The following CCDC7 variants were observed in gnomAD, a reference collection of about 807,000 sequenced individuals.
CCDC7 encodes the protein coiled-coil domain-containing protein 7.
In CCDC7, 183 loss-of-function variants were observed where a neutral mutation model predicts 196.9. That is an observed-to-expected ratio of 0.93 (90% confidence interval 0.82 to 1.05). The LOEUF (loss-of-function observed/expected upper bound fraction) is 1.05, where lower values mean the gene tolerates loss of function less well. CCDC7 is among the 50% of genes least tolerant of loss of function. CCDC7 has a pLI of 0.00. For missense variants in CCDC7, 1,540 were observed against 1,482.2 expected (o/e 1.04, Z -0.64); for synonymous variants, 525 against 484.6 (o/e 1.08, Z -1.10).
intron 21 of CCDC7, among the ~76,000 whole-genome samples, chr10:32,667,603 C>T (rs1436496017): frequency 1.3e-5 from 2 of 152,138 alleles, no homozygotes; most frequent in African/African-American, 4.8e-5. Context: ...CCAGTTTTCC[C>T]AGCACCATTT....
chr10:32,453,324 CTTT>C lies in CCDC7; in HGVS notation c.280-18_280-16del. The C allele has an allele frequency of 6.9e-7, 1 of 1,455,614 alleles. No individual in the cohort carries two copies. Among genetic ancestry groups the C allele is most frequent in the Non-Finnish European group, 9.1e-7 (1 of 1,101,114 alleles). 90.2% of individuals were successfully genotyped at this position (1,455,614 alleles called of 1,614,324 possible). ...TTAAACTATTAAAGTATCTAATTGG[CTTT>C]TATTTTTTTTTTACAGGTTGTTTCC... On this transcript the variant is annotated splice_polypyrimidine_tract_variant and intron_variant, in intron 1 of 41. Transcript: ENST00000639629.
chr10:32,522,169 A>G (rs1258816564), intron 11 of CCDC7, among the ~76,000 whole-genome samples: 1 of 152,184 alleles, frequency 6.6e-6, no homozygotes, highest in Admixed American at 6.5e-5. Flanking sequence ...TAGATTTGAT[A>G]TCAGGGTAAT....
intron 9 of CCDC7, chr10:32,513,192 A>G (rs1263046093): frequency 3.3e-5 from 5 of 152,122 alleles, no homozygotes; most frequent in Non-Finnish European, 5.9e-5. Flanking sequence ...TCAATAATCT[A>G]TGGTAAATGG....
intron 28 of CCDC7, among the ~76,000 whole-genome samples, chr10:32,754,381 T>C (rs2076096154): frequency 6.6e-6 from 1 of 152,130 alleles, no homozygotes; most frequent in African/African-American, 2.4e-5. Flanking sequence ...CTTTAATGAC[T>C]AAAGAAATGT....
chr10:32,704,795 T>C (rs537476931), intron 24 of CCDC7, among the ~76,000 whole-genome samples: 20 of 152,140 alleles, frequency 1.3e-4, no homozygotes, highest in Non-Finnish European at 2.5e-4. Context: ...CGTCAGTCAG[T>C]GTAGCACTCT....
rs79299195 is a variant in CCDC7 at position 32,508,584 on chromosome 10, C to T, written c.873-9361C>T. On this transcript the variant is annotated intron_variant, in intron 9 of 41. Transcript: ENST00000639629. Reference sequence around the variant, plus strand: ...TTCAAAAGGCCTTGAATAGCCAAAGCAAATTTTAGCAAGAGTAGTAAGGCT... The same window carrying T: ...TTCAAAAGGCCTTGAATAGCCAAAGTAAATTTTAGCAAGAGTAGTAAGGCT... Among the ~76,000 whole-genome samples the T allele has an allele frequency of 4.2e-4, 64 of 152,184 alleles. No homozygotes were observed. In the East Asian group the frequency reaches 0.012, roughly 28 times the overall value.
chr10:32,464,314 C>G (rs1290151461), intron 5 of CCDC7, among the ~76,000 whole-genome samples: 1 of 152,192 alleles, frequency 6.6e-6, no homozygotes, highest in East Asian at 1.9e-4. Context: ...TTGGAATGCT[C>G]TAAATACAAG....
At chr10:32,761,221 G>A (rs1456040910) in intron 28 of CCDC7, among the ~76,000 whole-genome samples, 1 of 151,920 alleles carries the variant, frequency 6.6e-6, no homozygotes, top group South Asian at 2.1e-4. Flanking sequence ...TCTCACTGGG[G>A]CACCCAGCAG....
chr10:32,793,809 C>G (rs1036854503), intron 29 of CCDC7, among the ~76,000 whole-genome samples: 3 of 152,022 alleles, frequency 2.0e-5, no homozygotes, highest in Non-Finnish European at 4.4e-5. Context: ...TTGAATTTAT[C>G]GAGACTGTTT....
chr10:32,811,894 C>T (rs1317651832), intron 30 of CCDC7, among the ~76,000 whole-genome samples: 3 of 152,024 alleles, frequency 2.0e-5, no homozygotes, highest in Admixed American at 6.6e-5. Flanking sequence ...ATCTATCCCA[C>T]GGATGTAAGG....
chr10:32,819,108 C>T (rs559622753), intron 31 of CCDC7, among the ~76,000 whole-genome samples: 60 of 151,998 alleles, frequency 3.9e-4, no homozygotes, highest in Admixed American at 5.9e-4. Context: ...ATCAAATAGA[C>T]GCAATAAAAA....
intron 20 of CCDC7, among the ~76,000 whole-genome samples, chr10:32,642,427 G>T (rs182660668): frequency 6.6e-6 from 1 of 152,210 alleles, no homozygotes; most frequent in East Asian, 1.9e-4. Flanking sequence ...GCGAGGCTCC[G>T]TGGGCGTAGG....
intron 20 of CCDC7, among the ~76,000 whole-genome samples, chr10:32,636,265 C>A (rs2065618581): frequency 1.3e-5 from 2 of 151,808 alleles, no homozygotes; most frequent in African/African-American, 4.8e-5. Flanking sequence ...ATTTAGGGTA[C>A]CTGTGCACAA....
intron 21 of CCDC7, among the ~76,000 whole-genome samples, chr10:32,667,795 G>A (rs993152602): frequency 2.6e-5 from 4 of 152,146 alleles, no homozygotes; most frequent in Non-Finnish European, 5.9e-5. Flanking sequence ...TTTGAAGTCA[G>A]GTAGCGTGAT....
At chr10:32,785,601 TAAG>T (rs2081734125) in intron 29 of CCDC7, among the ~76,000 whole-genome samples, 1 of 152,024 alleles carries the variant, frequency 6.6e-6, no homozygotes, top group Non-Finnish European at 1.5e-5. Flanking sequence ...AAGATTAAAA[TAAG>T]AGAATTATTT....
intron 23 of CCDC7, among the ~76,000 whole-genome samples, chr10:32,694,554 C>T (rs1363253664): frequency 6.6e-6 from 1 of 152,152 alleles, no homozygotes; most frequent in East Asian, 1.9e-4. Flanking sequence ...TTTGCAATTA[C>T]ATATATGCTA....
At chr10:32,700,426 G>A (rs911241886) in intron 24 of CCDC7, among the ~76,000 whole-genome samples, 4 of 150,424 alleles carry the variant, frequency 2.7e-5, no homozygotes, top group East Asian at 1.9e-4. Context: ...CTCTGTTTTG[G>A]TACCAGTACT....
chr10:32,635,806 T>C (rs147962505), intron 20 of CCDC7, among the ~76,000 whole-genome samples: 4 of 152,200 alleles, frequency 2.6e-5, no homozygotes, highest in East Asian at 3.9e-4. Context: ...AAGCTCATAG[T>C]TGTATATTTT....
chr10:32,470,193 C>T (rs945294340), intron 5 of CCDC7, among the ~76,000 whole-genome samples: 1 of 152,164 alleles, frequency 6.6e-6, no homozygotes, highest in African/African-American at 2.4e-5. Context: ...TCTAAATCCC[C>T]AGTGCTAGAA....
Sources: gnomAD v4.1 joint callset for allele counts (sites outside exome capture counted in the v4.1 genomes callset) on GRCh38, gnomAD v4.1.1 for gene constraint, MANE v1.5 for transcripts, NCBI Gene and HGNC (gene_info 2026-07-23, HGNC 2026-07-21) for gene names.